NRBP1: variants seen among roughly 807,000 people sequenced by gnomAD.
NRBP1 encodes nuclear receptor-binding protein.
In NRBP1, 10 loss-of-function variants were observed where a neutral mutation model predicts 76.0. The observed-to-expected ratio is 0.13, with a 90% CI of 0.08 to 0.22. The LOEUF (loss-of-function observed/expected upper bound fraction) is 0.22, where lower values mean the gene tolerates loss of function less well. Among genes scored for constraint, NRBP1 ranks in the 10% least tolerant of loss-of-function variants. The pLI is 1.00. For missense variants in NRBP1, 344 were observed against 646.0 expected, an observed-to-expected ratio of 0.53 and a Z score of 5.07; for synonymous variants, 235 against 240.2, an observed-to-expected ratio of 0.98 and a Z score of 0.20.
chr2:27,434,387 C>A, intron 4 of NRBP1, 84 bp from the exon 5 acceptor site: 2 of 1,039,560 alleles, frequency 1.9e-6, no homozygotes, highest in Non-Finnish European at 2.9e-6. Flanking sequence ...GAAATTTTAA[C>A]AAACCTTCAA....
chr2:27,435,611 T>C, intron 7 of NRBP1: 1 of 713,344 alleles, frequency 1.4e-6, no homozygotes, highest in African/African-American at 1.7e-5. Flanking sequence ...TTCTGTGTGC[T>C]GTGTCTGTGT....
chr2:27,439,342 G>T (rs531934785), intron 10 of NRBP1, among the ~76,000 whole-genome samples: 10 of 151,842 alleles, frequency 6.6e-5, no homozygotes, highest in Admixed American at 2.6e-4. Context: ...AAAATTAGCC[G>T]GGCATGGTGG....
chr2:27,427,794 TAC>T (rs1306490368), upstream of NRBP1: 1 of 152,212 alleles, frequency 6.6e-6, no homozygotes, highest in Non-Finnish European at 1.5e-5. Flanking sequence ...CCCTCCATCA[TAC>T]ACGTCTAAGG....
At chr2:27,434,604 G>T in intron 5 of NRBP1, 44 bp downstream of exon 5, 1 of 1,599,364 alleles carries the variant, frequency 6.3e-7, no homozygotes, top group Non-Finnish European at 8.6e-7. Context: ...GTTTTTGGGG[G>T]TGGTTTTAAA....
rs1664196842 is a variant in NRBP1 at position 27,433,768 on chromosome 2, T to C, written c.306T>C (p.Ser102=). The C allele has an allele frequency of 1.2e-6, 2 of 1,613,782 alleles. No homozygotes were observed. The highest frequency in any genetic ancestry group is 1.7e-6 in the Non-Finnish European group (2 of 1,179,930). The change falls in exon 3 of 18, where the codon TCT becomes TCC. Residue 102 remains serine (S), a synonymous_variant. Transcript: ENST00000379852. ...TTGTGTGGAATGAGGTACAGTTCTC[T>C]GAACGCAAGAACTACAAGCTGCAGG... The part of the protein sequence containing the change: ...VEVVWNEVQF[S]ERKNYKLQEE...
intron 10 of NRBP1, among the ~76,000 whole-genome samples, 197 bp from the exon 11 acceptor site, chr2:27,439,569 A>C (rs1441519691): frequency 1.3e-5 from 2 of 151,604 alleles, no homozygotes; most frequent in East Asian, 3.8e-4. Context: ...CCAGAAAGGC[A>C]GTGGATGGTA....
At chr2:27,429,130 T>C in intron 1 of NRBP1, 1 of 153,972 alleles carries the variant, frequency 6.5e-6, no homozygotes, top group Non-Finnish European at 1.5e-5. Flanking sequence ...GTGCGCAGAC[T>C]GCGCGGGGGC....
intron 7 of NRBP1, chr2:27,435,671 A>T: frequency 1.4e-6 from 1 of 717,584 alleles, no homozygotes; most frequent in Non-Finnish European, 2.6e-6. Flanking sequence ...ATCGCTCACA[A>T]CTTTTCTCTG....
intron 10 of NRBP1, among the ~76,000 whole-genome samples, chr2:27,438,092 C>T (rs1304665129): frequency 1.4e-5 from 2 of 145,154 alleles, no homozygotes; most frequent in East Asian, 2.1e-4. Flanking sequence ...GAGGCTGAGG[C>T]AAGCTTGAAC....
intron 1 of NRBP1, among the ~76,000 whole-genome samples, chr2:27,429,873 A>C (rs1056194329): frequency 6.6e-6 from 1 of 152,192 alleles, no homozygotes; most frequent in African/African-American, 2.4e-5. Flanking sequence ...CCTGTATTAG[A>C]ATTCTACTGT....
intron 4 of NRBP1, 117 bp downstream of exon 4, chr2:27,434,207 C>T (rs1485591469): frequency 1.1e-5 from 10 of 872,596 alleles, no homozygotes; most frequent in Admixed American, 2.2e-5. Flanking sequence ...GAACTGGAAT[C>T]AGCTGCAATG....
At chr2:27,438,893 A>G (rs556407295) in intron 10 of NRBP1, among the ~76,000 whole-genome samples, 16 of 152,300 alleles carry the variant, frequency 1.1e-4, no homozygotes, top group African/African-American at 3.1e-4. Context: ...CAGGAGGTTG[A>G]GGCAGCAGTG....
chr2:27,428,714 G>C lies in NRBP1; in HGVS notation c.-38G>C. The C allele has an allele frequency of 2.5e-6, 1 of 398,320 alleles. No individual in the cohort carries two copies. 24.7% of individuals were successfully genotyped at this position (398,320 alleles called of 1,614,324 possible). A position where few individuals can be genotyped will look rare whatever the true frequency, so the allele number is the denominator to read the frequency against. On this transcript the variant is annotated 5_prime_UTR_variant, in exon 1 of 18. Coordinates refer to ENST00000379852, the MANE Select transcript of NRBP1 (RefSeq NM_013392.4). ...GAGCTGGAGCTGAAGCGCAGGCTGC[G>C]GGGCGCGGAGTCGGGAGGTGAGCGC...
rs933204882 is a variant in NRBP1, at chr2:27,435,336, G to C, written c.661+109G>C. 1.4e-5 allele frequency: 12 copies of C among 846,318 alleles called. No individual in the cohort carries two copies. In the African/African-American group the frequency reaches 1.9e-4, roughly 13 times the overall value. 52.4% of individuals were successfully genotyped at this position (846,318 alleles called of 1,614,324 possible). A position where few individuals can be genotyped will look rare whatever the true frequency, so the allele number is the denominator to read the frequency against. On this transcript the variant is annotated intron_variant, in intron 7 of 17. Coordinates refer to ENST00000379852, the MANE Select transcript of NRBP1 (RefSeq NM_013392.4). ...AGAGCAAAATTCTGAGGTGTGGGCT[G>C]GTGAGAAGAGAAAGGACCTTGCTAG...
chr2:27,433,890 T>C (rs1283934882), intron 3 of NRBP1, 95 bp downstream of exon 3: 2 of 1,604,400 alleles, frequency 1.2e-6, no homozygotes, highest in Non-Finnish European at 8.5e-7. Context: ...GGAGAGTATG[T>C]TGGGGTTAGA....
Position 27,433,493 on chromosome 2 carries a change from T to C in NRBP1, c.210+10T>C. The C allele has an allele frequency of 1.2e-6, 2 of 1,613,548 alleles. No individual in the cohort carries two copies. Among genetic ancestry groups the C allele is most frequent in the Non-Finnish European group, 1.7e-6 (2 of 1,179,758 alleles). On this transcript the variant is annotated intron_variant, in intron 2 of 17. Transcript: ENST00000379852. Reference sequence around the variant, plus strand: ...GAAGAGGCGAGAAGAGGTAAGGTTATGGTACAGTTACTCTTGGGTGAGTGA... The same window carrying C: ...GAAGAGGCGAGAAGAGGTAAGGTTACGGTACAGTTACTCTTGGGTGAGTGA...
Position 27,433,491 on chromosome 2 carries a change from T to TA in NRBP1, c.210+9dup. 1.2e-6 allele frequency: 2 copies of TA among 1,613,546 alleles called. No individual in the cohort carries two copies. Among genetic ancestry groups the TA allele is most frequent in the Non-Finnish European group, 1.7e-6 (2 of 1,179,752 alleles). ...CAGAAGAGGCGAGAAGAGGTAAGGT[T>TA]ATGGTACAGTTACTCTTGGGTGAGT... On this transcript the variant is annotated intron_variant, in intron 2 of 17. Coordinates refer to ENST00000379852, the MANE Select transcript of NRBP1 (RefSeq NM_013392.4).
chr2:27,434,232 G>A (rs993587439), intron 4 of NRBP1, 142 bp downstream of exon 4: 2 of 762,552 alleles, frequency 2.6e-6, no homozygotes, highest in Admixed American at 5.1e-5. Context: ...TAAGAGTAGG[G>A]CTTCAGTTGT....
chr2:27,433,188 A>C, intron 1 of NRBP1, 66 bp from the exon 2 acceptor site: 1 of 1,214,832 alleles, frequency 8.2e-7, no homozygotes, highest in East Asian at 2.3e-5. Flanking sequence ...CTGGATTACT[A>C]AATCTTTACA....
Sources: allele counts gnomAD v4.1 joint callset (sites outside exome capture counted in the v4.1 genomes callset), GRCh38; gene constraint gnomAD v4.1.1; transcripts MANE v1.5; gene names NCBI Gene and HGNC (gene_info 2026-07-23, HGNC 2026-07-21).